Variants in NIPSNAP3A observed in about 807,000 individuals in gnomAD.
NIPSNAP3A encodes protein NipSnap homolog 3A.
In NIPSNAP3A, 27 loss-of-function variants were observed where a neutral mutation model predicts 32.3. The ratio of observed to expected loss-of-function variants is 0.84; its 90% confidence interval spans 0.62 to 1.15. The LOEUF is 1.15. NIPSNAP3A is among the 50% of genes most tolerant of loss of function. The probability of loss-of-function intolerance (pLI) is 0.00; values close to 1 mark genes in which losing one functional copy is unlikely to be tolerated. For synonymous variants in NIPSNAP3A, 108 were observed against 107.3 expected (o/e 1.01, Z -0.04); for missense variants, 278 against 297.2 (o/e 0.94, Z 0.48).
chr9:104,753,159 T>A, intron 3 of NIPSNAP3A, 95 bp downstream of exon 3: 1 of 1,020,442 alleles, frequency 9.8e-7, no homozygotes. Flanking sequence ...AAAAATAAAA[T>A]TAATTCTTTG....
At chr9:104,758,297 T>C (rs1289772729) in intron 4 of NIPSNAP3A, among the ~76,000 whole-genome samples, 3 of 152,210 alleles carry the variant, frequency 2.0e-5, no homozygotes, top group African/African-American at 7.2e-5. Context: ...TTGGTTTTAC[T>C]CATATTTTCT....
rs1320613402 is a variant in NIPSNAP3A, at chr9:104,752,772, T to C, written c.272-134T>C. 1.2e-5 allele frequency: 9 copies of C among 725,296 alleles called. 1 individual carries two copies. The highest frequency in any genetic ancestry group is 8.8e-5 in the South Asian group (5 of 56,806). 44.9% of individuals were successfully genotyped at this position (725,296 alleles called of 1,614,324 possible). A position where few individuals can be genotyped will look rare whatever the true frequency, so the allele number is the denominator to read the frequency against. On this transcript the variant is annotated intron_variant, in intron 2 of 5. Transcript: ENST00000374767. ...GGGCAGATGGTCACATCTGTTTACG[T>C]TGGTGTCTCCAAAGGCCTAACACAA...
Position 104,759,168 on chromosome 9 carries a change from G to A in NIPSNAP3A, c.664G>A (p.Ala222Thr). The change falls in exon 5 of 6, where the codon GCT (alanine) becomes ACT (threonine). Residue 222 changes from alanine (A) to threonine (T), a missense_variant. By Grantham distance (58) the Ala-to-Thr change is moderately conservative. Transcript: ENST00000374767. ...CCATGAGGATCCCAGAGTTGTGGCA[G>A]CTGGTAAGCTGTTTGACTAGGCATG... ...KSHEDPRVVA[A>T]VRESVNYLVS... is the part of the protein sequence containing the mutation. 1 of 1,613,604 alleles carries A rather than the reference G, an allele frequency of 6.2e-7. No individual in the cohort carries two copies. The highest frequency in any genetic ancestry group is 2.2e-5 in the East Asian group (1 of 44,882).
chr9:104,751,066 G>GA lies in NIPSNAP3A; in HGVS notation c.176dup (p.Asn59LysfsTer10). On this transcript the variant is annotated frameshift_variant, in exon 2 of 6. Transcript: ENST00000374767. LOFTEE classifies it high-confidence loss of function. ...TGAATGAGTTCCTGGAAAATTTTGAGAAAAACGCTCATCTTCGGACAGCTC... is the reference window on the plus strand; with the variant it reads ...TGAATGAGTTCCTGGAAAATTTTGAGAAAAAACGCTCATCTTCGGACAGCTC... 6.2e-7 allele frequency: 1 copy of GA among 1,614,026 alleles called. No individual in the cohort carries two copies. The highest frequency in any genetic ancestry group is 8.5e-7 in the Non-Finnish European group (1 of 1,179,940).
chr9:104,749,135 G>A (rs902621263), intron 1 of NIPSNAP3A, among the ~76,000 whole-genome samples: 1 of 151,942 alleles, frequency 6.6e-6, no homozygotes, highest in African/African-American at 2.4e-5. Context: ...CAAATTCCTC[G>A]AATCAACCTG....
chr9:104,756,305 T>C (rs1827905595), intron 4 of NIPSNAP3A, among the ~76,000 whole-genome samples: 1 of 152,108 alleles, frequency 6.6e-6, no homozygotes, highest in Admixed American at 6.6e-5. Context: ...ATTGGGACTA[T>C]ATTTGTAAGC....
intron 1 of NIPSNAP3A, among the ~76,000 whole-genome samples, chr9:104,749,632 G>A (rs1194858672): frequency 1.3e-5 from 2 of 152,170 alleles, no homozygotes; most frequent in East Asian, 3.8e-4. Flanking sequence ...ACGAATGCCT[G>A]TGTGTATACC....
chr9:104,758,249 G>A (rs1328519247), intron 4 of NIPSNAP3A, among the ~76,000 whole-genome samples: 3 of 151,952 alleles, frequency 2.0e-5, no homozygotes, highest in Non-Finnish European at 2.9e-5. Context: ...TTGTTACTAA[G>A]CTAAATCTGT....
chr9:104,749,182 C>A (rs1239954795), intron 1 of NIPSNAP3A, among the ~76,000 whole-genome samples: 2 of 152,156 alleles, frequency 1.3e-5, no homozygotes, highest in Non-Finnish European at 2.9e-5. Flanking sequence ...TGGCCTATCT[C>A]CTGATATATT....
chr9:104,756,861 A>C (rs1027429279), intron 4 of NIPSNAP3A, among the ~76,000 whole-genome samples: 1 of 139,462 alleles, frequency 7.2e-6, no homozygotes, highest in Non-Finnish European at 1.5e-5. Flanking sequence ...TGTGGAGTGC[A>C]GGTACGATCT....
rs147640322 is a variant in NIPSNAP3A, at chr9:104,753,058, A to G, written c.424A>G (p.Lys142Glu). Residue 142 changes from lysine (K) to glutamate (E), a missense_variant, in exon 3 of 6, where the codon AAA becomes GAA. Physicochemically the swap from Lys to Glu is moderately conservative, Grantham distance 56. Coordinates refer to ENST00000374767, the MANE Select transcript of NIPSNAP3A (RefSeq NM_015469.3). ...VPWCKLEKPP[K>E]EGVYELATFQ... The stretch of plus-strand genomic sequence containing the variant: ...ATGGTGCAAATTAGAAAAACCTCCA[A>G]AAGAAGGTAAGTCCTTCCTTCTTAG... The G allele has an allele frequency of 5.4e-5, 87 of 1,612,984 alleles. No individual in the cohort carries two copies. In the African/African-American group the frequency reaches 7.2e-4, roughly 13 times the overall value.
At chr9:104,754,761 G>A in intron 4 of NIPSNAP3A, 61 bp downstream of exon 4, 13 of 1,336,548 alleles carry the variant, frequency 9.7e-6, no homozygotes, top group South Asian at 1.2e-5. Context: ...TAAGTTCCTT[G>A]GGTCAGGTTC....
intron 1 of NIPSNAP3A, among the ~76,000 whole-genome samples, chr9:104,750,047 G>A (rs1327650351): frequency 6.6e-6 from 1 of 152,080 alleles, no homozygotes; most frequent in African/African-American, 2.4e-5. Flanking sequence ...ATTGAATTAG[G>A]AAATACTTTG....
chr9:104,747,988 C>A, intron 1 of NIPSNAP3A, 136 bp downstream of exon 1: 1 of 726,660 alleles, frequency 1.4e-6, no homozygotes, highest in Non-Finnish European at 2.1e-6. Context: ...CGGTGAGGTT[C>A]TAGCGTGAGC....
intron 2 of NIPSNAP3A, 49 bp downstream of exon 2, chr9:104,751,215 G>C: frequency 6.9e-7 from 1 of 1,457,758 alleles, no homozygotes; most frequent in Non-Finnish European, 9.6e-7. Flanking sequence ...TCATTTTTCA[G>C]TATAGATTTT....
At chr9:104,750,901 C>A in intron 1 of NIPSNAP3A, 55 bp from the exon 2 acceptor site, 1 of 1,382,448 alleles carries the variant, frequency 7.2e-7, no homozygotes, top group Non-Finnish European at 1.0e-6. Context: ...GGTTTTAACA[C>A]AATATAATGA....
intron 1 of NIPSNAP3A, among the ~76,000 whole-genome samples, chr9:104,750,094 A>G (rs1036905365): frequency 2.6e-5 from 4 of 152,226 alleles, no homozygotes; most frequent in African/African-American, 9.6e-5. Flanking sequence ...CAAGAACCTA[A>G]AAGAGTTTTC....
At chr9:104,758,292 T>G (rs1049509871) in intron 4 of NIPSNAP3A, among the ~76,000 whole-genome samples, 1 of 152,198 alleles carries the variant, frequency 6.6e-6, no homozygotes, top group Non-Finnish European at 1.5e-5. Context: ...CTGATTTGGT[T>G]TTACTCATAT....
intron 4 of NIPSNAP3A, among the ~76,000 whole-genome samples, chr9:104,757,315 A>G (rs1048719203): frequency 6.6e-6 from 1 of 152,176 alleles, no homozygotes; most frequent in Admixed American, 6.5e-5. Flanking sequence ...ATTCTACTTT[A>G]TATTAAGGAA....
Sources: gnomAD v4.1 joint callset for allele counts (sites outside exome capture counted in the v4.1 genomes callset) on GRCh38, gnomAD v4.1.1 for gene constraint, MANE v1.5 for transcripts, NCBI Gene and HGNC (gene_info 2026-07-23, HGNC 2026-07-21) for gene names.